The following PIK3CG variants were observed in gnomAD, a reference collection of about 807,000 sequenced individuals.
PIK3CG encodes phosphatidylinositol-4,5-bisphosphate 3-kinase catalytic subunit gamma, also known as phosphatidylinositol 4,5-bisphosphate 3-kinase catalytic subunit gamma isoform.
A neutral mutation model predicts 102.3 loss-of-function variants in PIK3CG; 55 were observed. That is an observed-to-expected ratio of 0.54 (90% CI 0.43 to 0.67). The LOEUF (loss-of-function observed/expected upper bound fraction) is 0.67. PIK3CG is among the 30% of genes least tolerant of loss of function. The pLI is 0.00. For synonymous variants in PIK3CG, 552 were observed against 540.0 expected (o/e 1.02, Z -0.31); for missense variants, 1,258 against 1,391.8 (o/e 0.90, Z 1.53).
rs1044057699 is a variant in PIK3CG at position 106,886,310 on chromosome 7, T to C, written c.3030+18T>C. On this transcript the variant is annotated intron_variant, in intron 10 of 10. Coordinates refer to ENST00000496166, the MANE Select transcript of PIK3CG (RefSeq NM_001282426.2). ...AATTTCAGGTAAGTCACCTCCTTCA[T>C]CGCCTGCTGAGAATAGCACCGAAGC... 2.5e-6 allele frequency: 4 copies of C among 1,613,602 alleles called. No individual in the cohort carries two copies. In the African/African-American group the frequency reaches 5.3e-5, roughly 22 times the overall value.
rs770504377 is a variant in PIK3CG at position 106,867,995 on chromosome 7, A to C, written c.434A>C (p.Glu145Ala). Residue 145 changes from glutamate (E) to alanine (A), a missense_variant, in exon 2 of 11, where the codon GAG (glutamate) becomes GCG (alanine). This residue lies in a region of PIK3CG where 832 missense variants were observed against 787.5 expected (regional missense o/e 1.06). Transcript: ENST00000496166. This position sits in a 1 kb window ranked among gnomAD's most constrained non-coding sequence, Gnocchi z 5.1. ...CTGGTGCAGCGGCACCCGCCCTCCG[A>C]GGAGTCCCAAGCCTTCCAGCGGCAG... ...IHLVQRHPPSEESQAFQRQLT... is the reference protein window; with the variant it reads ...IHLVQRHPPSAESQAFQRQLT... 1 of 1,612,300 alleles carries C rather than the reference A, an allele frequency of 6.2e-7. No homozygotes were observed. The highest frequency in any genetic ancestry group is 2.2e-5 in the East Asian group (1 of 44,810).
chr7:106,873,683 CA>C (rs1790618869), intron 4 of PIK3CG, among the ~76,000 whole-genome samples: 1 of 151,848 alleles, frequency 6.6e-6, no homozygotes, highest in African/African-American at 2.4e-5. Context: ...GTCCTGGAAC[CA>C]ATCCTTACAG....
At position 106,884,577 on chromosome 7, in the gene PIK3CG, T is replaced by C. The variant is rs1791031813; in HGVS notation, c.2872+311T>C. On this transcript the variant is annotated intron_variant, in intron 9 of 10. Transcript: ENST00000496166. The surrounding 1 kb of genome is among the most constrained non-coding windows in gnomAD (Gnocchi z 4.2). ...AGGGACACTGGTGCTTCAGTTACTCTAGAGCAGTGGCCCCCAACCTCTTTG... is the reference window on the plus strand; with the variant it reads ...AGGGACACTGGTGCTTCAGTTACTCCAGAGCAGTGGCCCCCAACCTCTTTG... Among the ~76,000 whole-genome samples, 1 of 152,080 alleles carries C rather than the reference T, an allele frequency of 6.6e-6. No homozygotes were observed. Among genetic ancestry groups the C allele is most frequent in the South Asian group, 2.1e-4 (1 of 4,828 alleles).
chr7:106,895,557 A>G lies in PIK3CG; in HGVS notation c.3030+9265A>G, dbSNP rs753243465. ...CTGCCCACCTCAGTGGGCCAGCACC[A>G]TGACAGCCTCCCTTTGACACTGGTT... On this transcript the variant is annotated intron_variant, in intron 10 of 10. Coordinates refer to ENST00000496166, the MANE Select transcript of PIK3CG (RefSeq NM_001282426.2). The surrounding 1 kb of genome is among the most constrained non-coding windows in gnomAD (Gnocchi z 5.4). Among the ~76,000 whole-genome samples, 14 of 152,204 alleles carry G rather than the reference A, an allele frequency of 9.2e-5. No homozygotes were observed. The South Asian group carries it at 1.9e-3, about 20-fold the overall frequency.
chr7:106,891,189 G>T lies in PIK3CG; in HGVS notation c.3030+4897G>T, dbSNP rs1374286856. ...TAGTGGAGGGACAGCACCTTGTAGGGGAGGAGCTGGATCAAACTGGATAAC... is the reference window on the plus strand; with the variant it reads ...TAGTGGAGGGACAGCACCTTGTAGGTGAGGAGCTGGATCAAACTGGATAAC... On this transcript the variant is annotated intron_variant, in intron 10 of 10. Transcript: ENST00000496166. This position sits in a 1 kb window ranked among gnomAD's most constrained non-coding sequence, Gnocchi z 4.4. 6.6e-6 allele frequency among the ~76,000 whole-genome samples: 1 copy of T among 152,296 alleles called. No homozygotes were observed. Among genetic ancestry groups the T allele is most frequent in the South Asian group, 2.1e-4 (1 of 4,828 alleles).
chr7:106,901,160 T>G (rs964162985), intron 10 of PIK3CG, among the ~76,000 whole-genome samples: 1 of 152,184 alleles, frequency 6.6e-6, no homozygotes, highest in Non-Finnish European at 1.5e-5. Context: ...CCAAGTTGTT[T>G]GCTTTATCCT....
chr7:106,889,181 C>G (rs1220154420), intron 10 of PIK3CG, among the ~76,000 whole-genome samples: 1 of 152,118 alleles, frequency 6.6e-6, no homozygotes, highest in Non-Finnish European at 1.5e-5. Context: ...TTCCCCTTCC[C>G]CAACCCCTCT....
chr7:106,905,002 C>G lies in PIK3CG; in HGVS notation c.3031-107C>G, dbSNP rs995295906. ...GAGGCAGGGACCTTGATGGTTTCTT[C>G]TCATGGACAGGTAACTCTATGTACA... On this transcript the variant is annotated intron_variant, in intron 10 of 10. Transcript: ENST00000496166. The surrounding 1 kb of genome is among the most constrained non-coding windows in gnomAD (Gnocchi z 5.6). 8 of 973,092 alleles carry G rather than the reference C, an allele frequency of 8.2e-6. No individual in the cohort carries two copies. Among genetic ancestry groups the G allele is most frequent in the Non-Finnish European group, 1.2e-5 (8 of 646,372 alleles). The allele number at this position is 973,092 out of a possible 1,614,324, so 60.3% of individuals were successfully genotyped here.
chr7:106,869,291 AT>A lies in PIK3CG; in HGVS notation c.1734del (p.Phe578LeufsTer19). On this transcript the variant is annotated frameshift_variant, in exon 2 of 11. Coordinates refer to ENST00000496166, the MANE Select transcript of PIK3CG (RefSeq NM_001282426.2). LOFTEE classifies it high-confidence loss of function. The surrounding 1 kb of genome is among the most constrained non-coding windows in gnomAD (Gnocchi z 5.3). ...LTAEDKELLW[H>X]FRYESLKHPK... ...GCAGAGGACAAAGAATTGCTCTGGCATTTTAGATACGAAAGCCTTAAGCACC... is the reference window on the plus strand; with the variant it reads ...GCAGAGGACAAAGAATTGCTCTGGCATTTAGATACGAAAGCCTTAAGCACC... 1 of 1,614,218 alleles carries A rather than the reference AT, an allele frequency of 6.2e-7. No homozygotes were observed. Among genetic ancestry groups the A allele is most frequent in the South Asian group, 1.1e-5 (1 of 91,084 alleles).
chr7:106,873,022 G>A, intron 4 of PIK3CG, 84 bp downstream of exon 4: 2 of 1,050,992 alleles, frequency 1.9e-6, no homozygotes, highest in Non-Finnish European at 2.9e-6. Context: ...TTTTCTTCCT[G>A]GAATCCAAGT....
At position 106,905,182 on chromosome 7, in the gene PIK3CG, T is replaced by G. The variant is rs1448486570; in HGVS notation, c.3104T>G (p.Leu1035Arg). ...NLLIILFSMM[L>R]MTGMPQLTSK... ...CTGATCATCCTGTTCTCCATGATGC[T>G]GATGACAGGAATGCCCCAGTTAACA... is the stretch of plus-strand genomic sequence containing the variant. Residue 1035 changes from leucine (L) to arginine (R), a missense_variant, in exon 11 of 11, where the codon CTG (leucine) becomes CGG (arginine). This residue lies in a region of PIK3CG where 426 missense variants were observed against 604.2 expected (regional missense o/e 0.71). Coordinates refer to ENST00000496166, the MANE Select transcript of PIK3CG (RefSeq NM_001282426.2). The surrounding 1 kb of genome is among the most constrained non-coding windows in gnomAD (Gnocchi z 5.6). 1.2e-6 allele frequency: 2 copies of G among 1,613,844 alleles called. No individual in the cohort carries two copies. Among genetic ancestry groups the G allele is most frequent in the Admixed American group, 1.7e-5 (1 of 60,002 alleles).
At position 106,867,874 on chromosome 7, in the gene PIK3CG, C is replaced by T. The variant is rs1429946228; in HGVS notation, c.313C>T (p.Gln105Ter). 12 of 1,612,882 alleles carry T rather than the reference C, an allele frequency of 7.4e-6. No homozygotes were observed. The highest frequency in any genetic ancestry group is 7.6e-6 in the Non-Finnish European group (9 of 1,179,910). ...HFLLLYQKKG[Q>*]WYEIYDKYQV... ...CCTCCTGCTCTATCAGAAGAAGGGG[C>T]AGTGGTACGAGATCTACGACAAGTA... Residue 105 changes from glutamine (Q) to a stop codon, truncating the protein, a stop_gained, in exon 2 of 11, where the codon CAG (glutamine) becomes TAG (stop). Transcript: ENST00000496166. LOFTEE classifies it high-confidence loss of function. This position sits in a 1 kb window ranked among gnomAD's most constrained non-coding sequence, Gnocchi z 5.1.
intron 5 of PIK3CG, among the ~76,000 whole-genome samples, chr7:106,876,797 CT>C (rs1435539853): frequency 1.3e-5 from 2 of 152,076 alleles, no homozygotes; most frequent in African/African-American, 2.4e-5. Flanking sequence ...TGTGGCTTGC[CT>C]TTTTATTTTC....
Position 106,886,201 on chromosome 7 carries a change from A to G in PIK3CG, c.2939A>G (p.Lys980Arg), listed in dbSNP as rs2116561377. The change falls in exon 10 of 11, where the codon AAA (lysine) becomes AGA (arginine). Residue 980 changes from lysine (K) to arginine (R), a missense_variant. Coordinates refer to ENST00000496166, the MANE Select transcript of PIK3CG (RefSeq NM_001282426.2). ...GNYKSFLGIN[K>R]ERVPFVLTPD... ...TACAAAAGTTTCCTGGGCATTAATAAAGAGAGAGTGCCATTTGTGCTAACC... is the reference window on the plus strand; with the variant it reads ...TACAAAAGTTTCCTGGGCATTAATAGAGAGAGAGTGCCATTTGTGCTAACC... 1 of 1,614,094 alleles carries G rather than the reference A, an allele frequency of 6.2e-7. No homozygotes were observed. The highest frequency in any genetic ancestry group is 8.5e-7 in the Non-Finnish European group (1 of 1,179,930).
Position 106,897,083 on chromosome 7 carries a change from CA to C in PIK3CG, c.3031-8025del, listed in dbSNP as rs1791427953. On this transcript the variant is annotated intron_variant, in intron 10 of 10. Transcript: ENST00000496166. The surrounding 1 kb of genome is among the most constrained non-coding windows in gnomAD (Gnocchi z 4.6). ...TATACCTACCTCTTAAACACTTTTA[CA>C]TGTTTATTAAATATCCTTCTACAGT... 6.6e-6 allele frequency among the ~76,000 whole-genome samples: 1 copy of C among 152,128 alleles called. No homozygotes were observed. Among genetic ancestry groups the C allele is most frequent in the Non-Finnish European group, 1.5e-5 (1 of 68,028 alleles).
chr7:106,882,187 T>C lies in PIK3CG; in HGVS notation c.2609T>C (p.Ile870Thr), dbSNP rs1201639564. 1 of 1,576,082 alleles carries C rather than the reference T, an allele frequency of 6.3e-7. No individual in the cohort carries two copies. The highest frequency in any genetic ancestry group is 8.6e-7 in the Non-Finnish European group (1 of 1,159,330). The change falls in exon 7 of 11, where the codon ATT becomes ACT. Residue 870 changes from isoleucine (I) to threonine (T), a missense_variant. By Grantham distance (89) the Ile-to-Thr change is moderately conservative (BLOSUM62 -1). Coordinates refer to ENST00000496166, the MANE Select transcript of PIK3CG (RefSeq NM_001282426.2). Reference sequence around the variant, plus strand: ...CTATGCCTCCTGCCATATGGTTGCATTTCAACTGGTGACAAAATAGGTATG... The same window carrying C: ...CTATGCCTCCTGCCATATGGTTGCACTTCAACTGGTGACAAAATAGGTATG... Reference protein sequence around the residue: ...LDLCLLPYGCISTGDKIGMIE... With the variant: ...LDLCLLPYGCTSTGDKIGMIE...
At position 106,907,754 on chromosome 7, in the gene PIK3CG, A is replaced by AAT. The variant is rs201378327; in HGVS notation, c.*2377_*2378dup. ...TATATATATATAACATATATATGCT[A>AAT]ATATATATATAACATATATATGCTA... On this transcript the variant is annotated 3_prime_UTR_variant, in exon 11 of 11. Coordinates refer to ENST00000496166, the MANE Select transcript of PIK3CG (RefSeq NM_001282426.2). Among the ~76,000 whole-genome samples the AAT allele has an allele frequency of 1.4e-5, 2 of 143,444 alleles. No individual in the cohort carries two copies. The highest frequency in any genetic ancestry group is 3.1e-5 in the Non-Finnish European group (2 of 65,144). 94.1% of individuals were successfully genotyped at this position (143,444 alleles called of 152,430 possible).
intron 10 of PIK3CG, among the ~76,000 whole-genome samples, chr7:106,887,531 T>C (rs1047004961): frequency 2.0e-5 from 3 of 152,152 alleles, no homozygotes; most frequent in Non-Finnish European, 4.4e-5. Flanking sequence ...TGATTTTCAA[T>C]TTGGTGATTA....
Position 106,907,642 on chromosome 7 carries a change from A to C in PIK3CG, c.*2255A>C, listed in dbSNP as rs1464360659. 6.7e-6 allele frequency among the ~76,000 whole-genome samples: 1 copy of C among 149,722 alleles called. No homozygotes were observed. The highest frequency in any genetic ancestry group is 2.1e-4 in the South Asian group (1 of 4,766). On this transcript the variant is annotated 3_prime_UTR_variant, in exon 11 of 11. Coordinates refer to ENST00000496166, the MANE Select transcript of PIK3CG (RefSeq NM_001282426.2). ...ATTGATGATGAAAAAAAGATTAGAGAGGAATACATTTATATTTAGCTTATT... is the reference window on the plus strand; with the variant it reads ...ATTGATGATGAAAAAAAGATTAGAGCGGAATACATTTATATTTAGCTTATT...
Sources: allele counts gnomAD v4.1 joint callset (sites outside exome capture counted in the v4.1 genomes callset), GRCh38; gene constraint gnomAD v4.1.1; regional missense constraint gnomAD v4.1.1; non-coding constraint Gnocchi (gnomAD v3.1); transcripts MANE v1.5; gene names NCBI Gene and HGNC (gene_info 2026-07-23, HGNC 2026-07-21).